The following RASAL1 variants were observed in gnomAD, a reference collection of about 807,000 sequenced individuals.
RASAL1 encodes the protein rasGAP-activating-like protein 1.
RASAL1 carries 72 observed loss-of-function variants against 96.6 expected under a neutral mutation model. That is an observed-to-expected ratio of 0.75 (90% confidence interval 0.62 to 0.91). The LOEUF is 0.91. Among genes scored for constraint, RASAL1 ranks in the 40% least tolerant of loss-of-function variants. The pLI, the probability that RASAL1 is intolerant of heterozygous loss-of-function variation, is 0.00. For missense variants in RASAL1, 1,016 were observed against 1,072.5 expected (o/e 0.95, Z 0.74); for synonymous variants, 405 against 430.4 (o/e 0.94, Z 0.73).
rs1452533240 is a variant in RASAL1 at position 113,128,188 on chromosome 12, G to A, written c.123-10C>T. On this transcript the variant is annotated splice_polypyrimidine_tract_variant and intron_variant, in intron 2 of 20. Transcript: ENST00000548055. ...CCAGACAGTAGCTGTCCTGCAAAAG[G>A]AGGTGCAGGGGGCTGGGGTCCTCGG... 8 of 1,601,968 alleles carry A rather than the reference G, an allele frequency of 5.0e-6. No individual in the cohort carries two copies. Among genetic ancestry groups the A allele is most frequent in the Non-Finnish European group, 6.8e-6 (8 of 1,170,504 alleles).
At position 113,117,090 on chromosome 12, in the gene RASAL1, T is replaced by C. The variant is rs760584624; in HGVS notation, c.714A>G (p.Arg238=). ...KGWFRLLPFP[R]AEEDSGGNLG... is the part of the protein sequence containing the mutation. Reference sequence around the variant, plus strand: ...ACATTTACCCAGAATCCTCCTCGGCTCTGGGAAAGGGCAGGAGGCGGAACC... The same window carrying C: ...ACATTTACCCAGAATCCTCCTCGGCCCTGGGAAAGGGCAGGAGGCGGAACC... Residue 238 remains arginine, a synonymous_variant, in exon 8 of 21, where the codon AGA becomes AGG. Coordinates refer to ENST00000548055, the MANE Select transcript of RASAL1 (RefSeq NM_001301202.2). 1.6e-5 allele frequency: 26 copies of C among 1,607,218 alleles called. 1 individual carries two copies. The Admixed American group carries it at 4.2e-4, about 26-fold the overall frequency.
At chr12:113,133,567 C>T (rs772682292) in intron 1 of RASAL1, among the ~76,000 whole-genome samples, 2 of 152,190 alleles carry the variant, frequency 1.3e-5, no homozygotes, top group Non-Finnish European at 2.9e-5. Context: ...GGCCTCCTCC[C>T]GGGCCAGAAT....
chr12:113,125,623 T>C (rs564850531), intron 4 of RASAL1, among the ~76,000 whole-genome samples: 9 of 152,296 alleles, frequency 5.9e-5, no homozygotes, highest in African/African-American at 2.2e-4. Flanking sequence ...AACTAATTGA[T>C]CACAAAAAGT....
Position 113,135,248 on chromosome 12 carries a change from G to T in RASAL1, c.65+150C>A. ...GACAGCCATGGGCATGCGGCCTCTC[G>T]CCCCTTTAAAGCGGAACTGCCCCAA... On this transcript the variant is annotated intron_variant, in intron 1 of 20. Coordinates refer to ENST00000548055, the MANE Select transcript of RASAL1 (RefSeq NM_001301202.2). The surrounding 1 kb of genome is among the most constrained non-coding windows in gnomAD (Gnocchi z 5.7). The T allele has an allele frequency of 4.3e-6, 3 of 696,508 alleles. No homozygotes were observed. The South Asian group carries it at 6.0e-5, about 14-fold the overall frequency. 43.1% of individuals were successfully genotyped at this position (696,508 alleles called of 1,614,324 possible).
intron 15 of RASAL1, among the ~76,000 whole-genome samples, chr12:113,106,195 C>T (rs1257466539): frequency 2.6e-5 from 4 of 152,154 alleles, no homozygotes; most frequent in African/African-American, 9.7e-5. Context: ...CAATGTCCAG[C>T]ATTTAATCAT....
At chr12:113,106,014 G>A in intron 15 of RASAL1, 128 bp from the exon 16 acceptor site, 1 of 965,694 alleles carries the variant, frequency 1.0e-6, no homozygotes, top group South Asian at 1.6e-5. Flanking sequence ...GAGGCAGGAG[G>A]ATGAGCGCGA....
At position 113,099,814 on chromosome 12, in the gene RASAL1, C is replaced by A; in HGVS notation, c.*115G>T. 1 of 1,430,214 alleles carries A rather than the reference C, an allele frequency of 7.0e-7. No homozygotes were observed. The highest frequency in any genetic ancestry group is 9.4e-7 in the Non-Finnish European group (1 of 1,061,350). 88.6% of individuals were successfully genotyped at this position (1,430,214 alleles called of 1,614,324 possible). On this transcript the variant is annotated 3_prime_UTR_variant, in exon 21 of 21. Coordinates refer to ENST00000548055, the MANE Select transcript of RASAL1 (RefSeq NM_001301202.2). Reference sequence around the variant, plus strand: ...ACAGGACTAGGCACGTCTCTGGGAGCCTCCAAACCACAGAATCAAAGAGGT... The same window carrying A: ...ACAGGACTAGGCACGTCTCTGGGAGACTCCAAACCACAGAATCAAAGAGGT...
chr12:113,107,798 T>G (rs1047240174), intron 14 of RASAL1, among the ~76,000 whole-genome samples: 1 of 152,216 alleles, frequency 6.6e-6, no homozygotes, highest in Non-Finnish European at 1.5e-5. Context: ...AATCTCAAGT[T>G]GTTGCCCTTT....
At chr12:113,118,158 A>T (rs1951158939) in intron 7 of RASAL1, among the ~76,000 whole-genome samples, 1 of 152,196 alleles carries the variant, frequency 6.6e-6, no homozygotes. Context: ...CAGGAGGTGG[A>T]GGTTGCAGTG....
In RASAL1 at chr12:113,119,128, C is replaced by G; in HGVS notation, c.642G>C (p.Met214Ile). 1 of 1,604,556 alleles carries G rather than the reference C, an allele frequency of 6.2e-7. No homozygotes were observed. The highest frequency in any genetic ancestry group is 1.3e-5 in the African/African-American group (1 of 74,938). The change falls in exon 7 of 21, where the codon ATG (methionine) becomes ATC (isoleucine). Residue 214 changes from methionine to isoleucine, a missense_variant and splice_region_variant. Physicochemically the swap from Met to Ile is conservative, Grantham distance 10. Coordinates refer to ENST00000548055, the MANE Select transcript of RASAL1 (RefSeq NM_001301202.2). ...DMVGKNDFLG[M>I]VEFSPKTLQQ... Reference sequence around the variant, plus strand: ...GGGTATTGTAGGGAATGAGGCTCACCATGCCCAAGAAGTCATTCTTGCCCA... The same window carrying G: ...GGGTATTGTAGGGAATGAGGCTCACGATGCCCAAGAAGTCATTCTTGCCCA...
chr12:113,111,797 T>C (rs776398758), intron 13 of RASAL1, among the ~76,000 whole-genome samples: 1 of 152,204 alleles, frequency 6.6e-6, no homozygotes, highest in African/African-American at 2.4e-5. Context: ...TTTCATCATG[T>C]TGGCCAGGCT....
chr12:113,106,833 T>C (rs1950663577), intron 15 of RASAL1, among the ~76,000 whole-genome samples: 4 of 152,198 alleles, frequency 2.6e-5, no homozygotes, highest in South Asian at 2.1e-4. Context: ...AAGCGCTTAA[T>C]AGATGTTTGT....
At position 113,099,904 on chromosome 12, in the gene RASAL1, C is replaced by T. The variant is rs2136075855; in HGVS notation, c.*25G>A. Reference sequence around the variant, plus strand: ...GAGGGCCCCCTGGCTCTTGCTCCTCCTTCCGGGCTAGCTCTGGCATTTCCT... The same window carrying T: ...GAGGGCCCCCTGGCTCTTGCTCCTCTTTCCGGGCTAGCTCTGGCATTTCCT... On this transcript the variant is annotated 3_prime_UTR_variant, in exon 21 of 21. Transcript: ENST00000548055. 3.1e-6 allele frequency: 5 copies of T among 1,596,764 alleles called. No homozygotes were observed. The South Asian group carries it at 3.3e-5, about 11-fold the overall frequency.
chr12:113,130,766 G>T lies in RASAL1; in HGVS notation c.122+119C>A. ...GCTGGACACAAATCACCCACCTGCAGGCCCGCGAGTCCCCCTCAGGGTAAG... is the reference window on the plus strand; with the variant it reads ...GCTGGACACAAATCACCCACCTGCATGCCCGCGAGTCCCCCTCAGGGTAAG... On this transcript the variant is annotated intron_variant, in intron 2 of 20. Transcript: ENST00000548055. This position sits in a 1 kb window ranked among gnomAD's most constrained non-coding sequence, Gnocchi z 5.1. 1.3e-6 allele frequency: 1 copy of T among 780,742 alleles called. No homozygotes were observed. Among genetic ancestry groups the T allele is most frequent in the Non-Finnish European group, 2.0e-6 (1 of 492,376 alleles). The allele number at this position is 780,742 out of a possible 1,614,324, so 48.4% of individuals were successfully genotyped here.
rs772738002 is a variant in RASAL1, at chr12:113,108,178, G to A, written c.1419C>T (p.Phe473=). The change falls in exon 14 of 21, where the codon TTC becomes TTT. Residue 473 remains phenylalanine, a synonymous_variant. Transcript: ENST00000548055. ...LAISGFLFLR[F]FAPAILTPKL... Reference sequence around the variant, plus strand: ...TTGGGGTAAGGATGGCAGGTGCGAAGAATCGCAAGAAGAGAAATCCACTGA... The same window carrying A: ...TTGGGGTAAGGATGGCAGGTGCGAAAAATCGCAAGAAGAGAAATCCACTGA... 6.2e-7 allele frequency: 1 copy of A among 1,613,520 alleles called. No individual in the cohort carries two copies. Among genetic ancestry groups the A allele is most frequent in the South Asian group, 1.1e-5 (1 of 90,882 alleles).
chr12:113,104,024 G>A lies in RASAL1; in HGVS notation c.2026C>T (p.Pro676Ser). 1 of 1,577,456 alleles carries A rather than the reference G, an allele frequency of 6.3e-7. No individual in the cohort carries two copies. Among genetic ancestry groups the A allele is most frequent in the Non-Finnish European group, 8.6e-7 (1 of 1,159,998 alleles). The change falls in exon 18 of 21, where the codon CCG becomes TCG. Residue 676 changes from proline (P) to serine (S), a missense_variant. Transcript: ENST00000548055. ...GGGTGGCAGGCGGCCAGCTTGTTCG[G>A]GTTGGGGGCGCTGGCCTTGCGCAAG... Reference protein sequence around the residue: ...SALRKASAPNPNKLAACHPGA... With the variant: ...SALRKASAPNSNKLAACHPGA...
At position 113,135,489 on chromosome 12, in the gene RASAL1, A is replaced by C. The variant is rs773749996; in HGVS notation, c.-27T>G. The C allele has an allele frequency of 2.5e-5, 39 of 1,585,818 alleles. No individual in the cohort carries two copies. The highest frequency in any genetic ancestry group is 1.7e-4 in the Middle Eastern group (1 of 6,016). The stretch of plus-strand genomic sequence containing the variant: ...GCGCCTAGCCACAAACTTTCCAGGC[A>C]GAAGGGCGCTCAGGTTCCGAGGCTG... On this transcript the variant is annotated 5_prime_UTR_variant, in exon 1 of 21. Coordinates refer to ENST00000548055, the MANE Select transcript of RASAL1 (RefSeq NM_001301202.2). The surrounding 1 kb of genome is among the most constrained non-coding windows in gnomAD (Gnocchi z 5.7).
chr12:113,102,049 C>A, intron 18 of RASAL1, 40 bp from the exon 19 acceptor site: 2 of 1,596,374 alleles, frequency 1.3e-6, no homozygotes, highest in Non-Finnish European at 1.7e-6. Context: ...ACTCCCTCTC[C>A]CCTTCCAGAA....
At chr12:113,119,077 C>A in intron 7 of RASAL1, 51 bp downstream of exon 7, 1 of 1,536,292 alleles carries the variant, frequency 6.5e-7, no homozygotes, top group Non-Finnish European at 8.8e-7. Flanking sequence ...CTTTCTTCCC[C>A]CTTGGAGGCA....
Sources: allele counts gnomAD v4.1 joint callset (sites outside exome capture counted in the v4.1 genomes callset), GRCh38; gene constraint gnomAD v4.1.1; non-coding constraint Gnocchi (gnomAD v3.1); transcripts MANE v1.5; gene names NCBI Gene and HGNC (gene_info 2026-07-23, HGNC 2026-07-21).